Variants in RECQL observed in about 807,000 individuals in gnomAD.
RECQL encodes RecQ like helicase, also known as ATP-dependent DNA helicase Q1.
RECQL carries 73 observed loss-of-function variants against 75.8 expected under a neutral mutation model. That is an observed-to-expected ratio of 0.96 (90% CI 0.80 to 1.17). RECQL has a LOEUF of 1.17. RECQL is among the 50% of genes most tolerant of loss of function. The pLI is 0.00. For synonymous variants in RECQL, 248 were observed against 254.4 expected, an observed-to-expected ratio of 0.97 and a Z score of 0.24; for missense variants, 699 against 772.1, an observed-to-expected ratio of 0.91 and a Z score of 1.12.
At chr12:21,479,045 G>T (rs933934768) in intron 6 of RECQL, among the ~76,000 whole-genome samples, 7 of 152,106 alleles carry the variant, frequency 4.6e-5, no homozygotes, top group African/African-American at 1.7e-4. Context: ...GCCAGCTGCA[G>T]ATTTCCCTAC....
In RECQL at chr12:21,471,089, G is replaced by A; in HGVS notation, c.1677C>T (p.Tyr559=). ...FLIQQYLKED[Y]SFTAYATISY... is the part of the protein sequence containing the mutation. ...AAATGGTAGCATAAGCTGTAAAACT[G>A]TAGTCTTCTCTGCAGAAAATAAAGG... is the stretch of plus-strand genomic sequence containing the variant. The change falls in exon 14 of 15, where the codon TAC becomes TAT. Residue 559 remains tyrosine, a synonymous_variant. Transcript: ENST00000444129. 3 of 1,580,870 alleles carry A rather than the reference G, an allele frequency of 1.9e-6. No homozygotes were observed. Among genetic ancestry groups the A allele is most frequent in the Non-Finnish European group, 2.6e-6 (3 of 1,169,190 alleles).
chr12:21,470,301 T>C lies in RECQL; in HGVS notation c.1843A>G (p.Met615Val). ...TCHSEQGDKK[M>V]EEKNSGNFQK... ...AAGTTGCCTGAATTTTTTTCCTCCATCTTTTTATCACCTTGTTCAGAATGA... is the reference window on the plus strand; with the variant it reads ...AAGTTGCCTGAATTTTTTTCCTCCACCTTTTTATCACCTTGTTCAGAATGA... The change falls in exon 15 of 15, where the codon ATG (methionine) becomes GTG (valine). Residue 615 changes from methionine (M) to valine (V), a missense_variant. Coordinates refer to ENST00000444129, the MANE Select transcript of RECQL (RefSeq NM_002907.4). 6.2e-7 allele frequency: 1 copy of C among 1,604,408 alleles called. No individual in the cohort carries two copies. The highest frequency in any genetic ancestry group is 8.5e-7 in the Non-Finnish European group (1 of 1,175,492).
At chr12:21,486,994 G>A (rs1259878371) in intron 4 of RECQL, among the ~76,000 whole-genome samples, 3 of 152,002 alleles carry the variant, frequency 2.0e-5, no homozygotes, top group Non-Finnish European at 4.4e-5. Context: ...TTAACTTGTG[G>A]GCACTGGCCA....
chr12:21,477,841 A>G lies in RECQL; in HGVS notation c.829T>C (p.Phe277Leu), dbSNP rs976563645. 7.4e-6 allele frequency: 12 copies of G among 1,613,600 alleles called. No homozygotes were observed. The highest frequency in any genetic ancestry group is 1.0e-5 in the Non-Finnish European group (12 of 1,179,814). Residue 277 changes from phenylalanine (F) to leucine (L), a missense_variant, in exon 7 of 15, where the codon TTT becomes CTT. Phe to Leu is a conservative substitution (Grantham distance 22). Transcript: ENST00000444129. Reference sequence around the variant, plus strand: ...TTTGGCCTATTAAAAGAAGCTGTAAAAGTAAAACACTTTTCAATGCACAAA... The same window carrying G: ...TTTGGCCTATTAAAAGAAGCTGTAAGAGTAAAACACTTTTCAATGCACAAA... ...KILCIEKCFT[F>L]TASFNRPNLY...
At chr12:21,491,072 A>G (rs1191336550) in intron 3 of RECQL, among the ~76,000 whole-genome samples, 1 of 152,188 alleles carries the variant, frequency 6.6e-6, no homozygotes, top group Non-Finnish European at 1.5e-5. Flanking sequence ...GAAAAGCAAC[A>G]TCCACAAAAA....
At position 21,501,568 on chromosome 12, in the gene RECQL, A is replaced by C. The variant is rs1591758183; in HGVS notation, c.-444T>G. The C allele has an allele frequency of 3.5e-6, 1 of 282,686 alleles. No individual in the cohort carries two copies. Among genetic ancestry groups the C allele is most frequent in the Non-Finnish European group, 6.8e-6 (1 of 146,140 alleles). The allele number at this position is 282,686 out of a possible 1,614,324, so 17.5% of individuals were successfully genotyped here. A position where few individuals can be genotyped will look rare whatever the true frequency, so the allele number is the denominator to read the frequency against. ...TCGGATCTCCGACACCAAAGCACCC[A>C]GGCCTCGAGCAGATCTTTCCGCTAC... On this transcript the variant is annotated 5_prime_UTR_variant, in exon 1 of 15. Transcript: ENST00000444129.
chr12:21,496,952 T>C (rs1371649444), intron 2 of RECQL, among the ~76,000 whole-genome samples: 1 of 152,204 alleles, frequency 6.6e-6, no homozygotes, highest in African/African-American at 2.4e-5. Context: ...AATGCAGATG[T>C]TATATGACAC....
chr12:21,471,565 G>A lies in RECQL; in HGVS notation c.1530C>T (p.Leu510=). ...AAGAATCAATCAGTTTCAATGGAGTGAGTTTTTCATTCAGTTCCTCTGCCT... is the reference window on the plus strand; with the variant it reads ...AAGAATCAATCAGTTTCAATGGAGTAAGTTTTTCATTCAGTTCCTCTGCCT... ...LKQAEELNEK[L]TPLKLIDSWM... Residue 510 remains leucine, a synonymous_variant, in exon 13 of 15, where the codon CTC becomes CTT. Coordinates refer to ENST00000444129, the MANE Select transcript of RECQL (RefSeq NM_002907.4). 1 of 1,612,734 alleles carries A rather than the reference G, an allele frequency of 6.2e-7. No homozygotes were observed. Among genetic ancestry groups the A allele is most frequent in the Non-Finnish European group, 8.5e-7 (1 of 1,179,234 alleles).
Position 21,491,562 on chromosome 12 carries a change from T to C in RECQL, c.171A>G (p.Ala57=). 1.2e-6 allele frequency: 2 copies of C among 1,613,528 alleles called. No homozygotes were observed. Among genetic ancestry groups the C allele is most frequent in the Non-Finnish European group, 1.7e-6 (2 of 1,179,914 alleles). ...CAGGTGAAGAATCATATTCATTGCTTGCCCCGGCATCAGAATCCTCTAAAC... is the reference window on the plus strand; with the variant it reads ...CAGGTGAAGAATCATATTCATTGCTCGCCCCGGCATCAGAATCCTCTAAAC... ...KQCLEDSDAG[A]SNEYDSSPAA... is the part of the protein sequence containing the mutation. Residue 57 remains alanine (A), a synonymous_variant, in exon 3 of 15, where the codon GCA becomes GCG. Coordinates refer to ENST00000444129, the MANE Select transcript of RECQL (RefSeq NM_002907.4).
rs202243045 is a variant in RECQL, at chr12:21,472,598, CATG to C, written c.1447+950_1447+952del. Among the ~76,000 whole-genome samples, 29 of 152,202 alleles carry C rather than the reference CATG, an allele frequency of 1.9e-4. No individual in the cohort carries two copies. The East Asian group carries it at 4.6e-3, about 24-fold the overall frequency. ...CATTGTCACGGCATTTGTAAACTGT[CATG>C]GTGCTAGTGGGAGTGTCTTACATCA... On this transcript the variant is annotated intron_variant, in intron 12 of 14. Coordinates refer to ENST00000444129, the MANE Select transcript of RECQL (RefSeq NM_002907.4).
intron 2 of RECQL, among the ~76,000 whole-genome samples, chr12:21,494,134 A>C (rs912403286): frequency 1.3e-5 from 2 of 152,150 alleles, no homozygotes; most frequent in Non-Finnish European, 2.9e-5. Flanking sequence ...AGATAGAGTA[A>C]GAAAGAGAAG....
Position 21,490,465 on chromosome 12 carries a change from T to C in RECQL, c.215-87A>G. 3.8e-6 allele frequency: 3 copies of C among 798,934 alleles called. 1 individual carries two copies. In the South Asian group the frequency reaches 5.3e-5, roughly 14 times the overall value. 49.5% of individuals were successfully genotyped at this position (798,934 alleles called of 1,614,324 possible). On this transcript the variant is annotated intron_variant, in intron 3 of 14. Transcript: ENST00000444129. ...ATGAGACAAACATATATAAGACTTC[T>C]AATACTTATAGACCATTAAACTTTT... is the stretch of plus-strand genomic sequence containing the variant.
At position 21,491,668 on chromosome 12, in the gene RECQL, T is replaced by A; in HGVS notation, c.65A>T (p.Glu22Val). 1.2e-6 allele frequency: 2 copies of A among 1,613,854 alleles called. No homozygotes were observed. The highest frequency in any genetic ancestry group is 1.7e-6 in the Non-Finnish European group (2 of 1,179,884). The change falls in exon 3 of 15, where the codon GAA (glutamate) becomes GTA (valine). Residue 22 changes from glutamate (E) to valine (V), a missense_variant. By Grantham distance (121) the Glu-to-Val change is moderately radical. Around this residue, in one of 2 missense-constraint regions of RECQL, gnomAD observed 669 missense variants for 713.5 expected, o/e 0.94. Coordinates refer to ENST00000444129, the MANE Select transcript of RECQL (RefSeq NM_002907.4). ...TTCCGTAAGTTCTTGAATTTGAATTTCTACTGCATGTAGCTCACTGGTTAT... is the reference window on the plus strand; with the variant it reads ...TTCCGTAAGTTCTTGAATTTGAATTACTACTGCATGTAGCTCACTGGTTAT... ...DSITSELHAV[E>V]IQIQELTERQ...
At chr12:21,500,185 A>C (rs2300211) in intron 1 of RECQL, among the ~76,000 whole-genome samples, 74,403 of 152,016 alleles carry the variant, frequency 0.49, 19,327 homozygotes, top group East Asian at 0.68. Flanking sequence ...AAGAATTACA[A>C]TATAAGCCCA....
chr12:21,499,466 A>T, intron 2 of RECQL, 89 bp downstream of exon 2: 1 of 1,218,578 alleles, frequency 8.2e-7, no homozygotes, highest in Non-Finnish European at 1.2e-6. Flanking sequence ...TCATTTCTAT[A>T]ATCAGAATTT....
intron 6 of RECQL, among the ~76,000 whole-genome samples, chr12:21,481,467 G>C (rs1182340076): frequency 6.6e-6 from 1 of 152,110 alleles, no homozygotes; most frequent in South Asian, 2.1e-4. Context: ...ATAATCATAA[G>C]GGATCAAACC....
At position 21,481,164 on chromosome 12, in the gene RECQL, T is replaced by C. The variant is rs186940343; in HGVS notation, c.700+2212A>G. Among the ~76,000 whole-genome samples the C allele has an allele frequency of 1.9e-4, 29 of 152,248 alleles. No homozygotes were observed. The East Asian group carries it at 4.6e-3, about 24-fold the overall frequency. ...CAGAGAAGACTGAAGGGGAAATTGC[T>C]TGGGAGTAGAGAGGAGAACGGAGAA... On this transcript the variant is annotated intron_variant, in intron 6 of 14. Coordinates refer to ENST00000444129, the MANE Select transcript of RECQL (RefSeq NM_002907.4).
rs1565564391 is a variant in RECQL at position 21,475,370 on chromosome 12, T to C, written c.1216+98A>G. On this transcript the variant is annotated intron_variant, in intron 10 of 14. Coordinates refer to ENST00000444129, the MANE Select transcript of RECQL (RefSeq NM_002907.4). Reference sequence around the variant, plus strand: ...AAAATACATTGTTCTAAAAATACTATCCAATAAAGATAAAACATACAGACT... The same window carrying C: ...AAAATACATTGTTCTAAAAATACTACCCAATAAAGATAAAACATACAGACT... The C allele has an allele frequency of 1.3e-5, 10 of 768,856 alleles. No homozygotes were observed. In the East Asian group the frequency reaches 1.8e-4, roughly 14 times the overall value. The allele number at this position is 768,856 out of a possible 1,614,324, so 47.6% of individuals were successfully genotyped here.
intron 6 of RECQL, among the ~76,000 whole-genome samples, chr12:21,481,668 G>A (rs1943194236): frequency 1.3e-5 from 2 of 152,132 alleles, no homozygotes; most frequent in African/African-American, 4.8e-5. Flanking sequence ...TAATTCTGTA[G>A]GTAGAGAATG....
Sources: gnomAD v4.1 joint callset for allele counts (sites outside exome capture counted in the v4.1 genomes callset) on GRCh38, gnomAD v4.1.1 for gene constraint, gnomAD v4.1.1 regional missense constraint, MANE v1.5 for transcripts, NCBI Gene and HGNC (gene_info 2026-07-23, HGNC 2026-07-21) for gene names.